ZCCHC8: variants seen among roughly 807,000 people sequenced by gnomAD.
The protein encoded by ZCCHC8 is zinc finger CCHC domain-containing protein 8.
In ZCCHC8, 27 loss-of-function variants were observed where a neutral mutation model predicts 70.6. The observed-to-expected ratio is 0.38, with a 90% CI of 0.28 to 0.53. The LOEUF is 0.53. ZCCHC8 is among the 20% of genes least tolerant of loss of function. The probability of loss-of-function intolerance (pLI) is 0.81; values close to 1 mark genes in which losing one functional copy is unlikely to be tolerated. For synonymous variants in ZCCHC8, 293 were observed against 317.4 expected (o/e 0.92, Z 0.82); for missense variants, 737 against 876.9 (o/e 0.84, Z 2.01).
At chr12:122,491,529 C>CAA (rs555175551) in intron 3 of ZCCHC8, among the ~76,000 whole-genome samples, 2,930 of 63,294 alleles carry the variant, frequency 0.046, 180 homozygotes, top group African/African-American at 0.13. Context: ...AACTCCATCT[C>CAA]AAAAAAAAAA....
In ZCCHC8 at chr12:122,477,872, C is replaced by T. The variant is rs770804616; in HGVS notation, c.1314G>A (p.Ala438=). The T allele has an allele frequency of 8.7e-6, 14 of 1,613,616 alleles. No individual in the cohort carries two copies. In the East Asian group the frequency reaches 8.9e-5, roughly 10 times the overall value. ...PKKQKNESNS[A]GSPADMELDS... ...CGAGCTCCATGTCGGCGGGAGATCC[C>T]GCTGAGTTGCTTTCATTCTTCTGCT... Residue 438 remains alanine (A), a synonymous_variant, in exon 13 of 14, where the codon GCG becomes GCA. Transcript: ENST00000633063.
chr12:122,494,976 T>C (rs1957804726), intron 2 of ZCCHC8, among the ~76,000 whole-genome samples: 1 of 152,190 alleles, frequency 6.6e-6, no homozygotes, highest in South Asian at 2.1e-4. Context: ...GTAGGAGATA[T>C]GATTAAGGAA....
At chr12:122,480,873 A>C (rs1269057241) in intron 10 of ZCCHC8, 1 of 152,192 alleles carries the variant, frequency 6.6e-6, no homozygotes, top group African/African-American at 2.4e-5. Flanking sequence ...GCCTCCAAAA[A>C]TCCTGGGATT....
At chr12:122,482,383 T>A (rs1049923152) in intron 8 of ZCCHC8, 1 of 427,726 alleles carries the variant, frequency 2.3e-6, no homozygotes, top group African/African-American at 2.0e-5. Context: ...ACTGAAAAAA[T>A]TTAATGTCTT....
In ZCCHC8 at chr12:122,483,666, A is replaced by G. The variant is rs1957580781; in HGVS notation, c.502-103T>C. ...GTTTTAACAATTTATTTTTGGATGG[A>G]ATTATTAGAAATAATAACTTCCTTG... is the stretch of plus-strand genomic sequence containing the variant. On this transcript the variant is annotated intron_variant, in intron 5 of 13. Coordinates refer to ENST00000633063, the MANE Select transcript of ZCCHC8 (RefSeq NM_017612.5). This position sits in a 1 kb window ranked among gnomAD's most constrained non-coding sequence, Gnocchi z 4.4. 1 of 940,338 alleles carries G rather than the reference A, an allele frequency of 1.1e-6. No homozygotes were observed. Among genetic ancestry groups the G allele is most frequent in the Admixed American group, 2.7e-5 (1 of 37,616 alleles). 58.2% of individuals were successfully genotyped at this position (940,338 alleles called of 1,614,324 possible). A position where few individuals can be genotyped will look rare whatever the true frequency, so the allele number is the denominator to read the frequency against.
At position 122,484,565 on chromosome 12, in the gene ZCCHC8, AT is replaced by A. The variant is rs538352720; in HGVS notation, c.502-1003del. Reference sequence around the variant, plus strand: ...GTAGTTGTGTCACTACACACAGCTAATTTTTTTTTTTGAGATGGGGTCTTGC... The same window carrying A: ...GTAGTTGTGTCACTACACACAGCTAATTTTTTTTTTGAGATGGGGTCTTGC... On this transcript the variant is annotated intron_variant, in intron 5 of 13. Coordinates refer to ENST00000633063, the MANE Select transcript of ZCCHC8 (RefSeq NM_017612.5). Among the ~76,000 whole-genome samples the A allele has an allele frequency of 8.0e-4, 113 of 141,098 alleles. No homozygotes were observed. In the East Asian group the frequency reaches 8.2e-3, roughly 10 times the overall value. The allele number at this position is 141,098 out of a possible 152,430, so 92.6% of individuals were successfully genotyped here.
At position 122,473,605 on chromosome 12, in the gene ZCCHC8, T is replaced by C; in HGVS notation, c.2016A>G (p.Pro672=). 1.2e-6 allele frequency: 2 copies of C among 1,614,006 alleles called. No individual in the cohort carries two copies. Among genetic ancestry groups the C allele is most frequent in the Non-Finnish European group, 1.7e-6 (2 of 1,179,898 alleles). ...DMSKFATGIT[P]FEFENMAEST... ...ATTCTGCCATATTCTCAAATTCAAA[T>C]GGCGTGATTCCAGTTGCAAATTTGC... The change falls in exon 14 of 14, where the codon CCA becomes CCG. Residue 672 remains proline, a synonymous_variant. Coordinates refer to ENST00000633063, the MANE Select transcript of ZCCHC8 (RefSeq NM_017612.5).
At chr12:122,477,748 C>T in intron 13 of ZCCHC8, 93 bp downstream of exon 13, 1 of 947,506 alleles carries the variant, frequency 1.1e-6, no homozygotes. Flanking sequence ...CGAGATCACG[C>T]CATTGTACTC....
In ZCCHC8 at chr12:122,474,099, C is replaced by T; in HGVS notation, c.1522G>A (p.Gly508Arg). The T allele has an allele frequency of 2.0e-6, 3 of 1,515,942 alleles. No individual in the cohort carries two copies. Among genetic ancestry groups the T allele is most frequent in the Non-Finnish European group, 2.6e-6 (3 of 1,134,704 alleles). 93.9% of individuals were successfully genotyped at this position (1,515,942 alleles called of 1,614,324 possible). Residue 508 changes from glycine to arginine, a missense_variant, in exon 14 of 14, where the codon GGA becomes AGA. Physicochemically the swap from Gly to Arg is moderately radical, Grantham distance 125 (BLOSUM62 -2). Transcript: ENST00000633063. Reference protein sequence around the residue: ...SDSPQTRTASGAVDEDALTLE... With the variant: ...SDSPQTRTASRAVDEDALTLE... ...GTCAGTGCGTCCTCATCCACAGCTC[C>T]AGATGCTGTTCTGGTCTGGGGTGAG...
chr12:122,495,427 G>C (rs1957811123), intron 2 of ZCCHC8, among the ~76,000 whole-genome samples: 1 of 152,170 alleles, frequency 6.6e-6, no homozygotes, highest in African/African-American at 2.4e-5. Flanking sequence ...GAAGTCAAAG[G>C]CTGCACTGAG....
chr12:122,478,106 C>T (rs1957455602), intron 12 of ZCCHC8, 100 bp downstream of exon 12: 2 of 1,284,642 alleles, frequency 1.6e-6, no homozygotes, highest in Non-Finnish European at 1.1e-6. Flanking sequence ...TTTGGTTTGT[C>T]AAGATAACAA....
Position 122,474,032 on chromosome 12 carries a change from G to A in ZCCHC8, c.1589C>T (p.Ala530Val). 1 of 1,540,142 alleles carries A rather than the reference G, an allele frequency of 6.5e-7. No homozygotes were observed. The highest frequency in any genetic ancestry group is 1.3e-5 in the South Asian group (1 of 77,386). The change falls in exon 14 of 14, where the codon GCT (alanine) becomes GTT (valine). Residue 530 changes from alanine (A) to valine (V), a missense_variant. Ala to Val is a moderately conservative substitution (Grantham distance 64). Transcript: ENST00000633063. ...LEEQQRRIWA[A>V]LEQAESVNSD... ...GTTTACGCTCTCGGCCTGCTCAAGA[G>A]CTGCCCAGATCCGCCTCTGCTGTTC...
At position 122,492,793 on chromosome 12, in the gene ZCCHC8, A is replaced by C. The variant is rs765906803; in HGVS notation, c.243-4T>G. 1.3e-6 allele frequency: 2 copies of C among 1,518,274 alleles called. No homozygotes were observed. Among genetic ancestry groups the C allele is most frequent in the Non-Finnish European group, 1.8e-6 (2 of 1,115,660 alleles). 94.1% of individuals were successfully genotyped at this position (1,518,274 alleles called of 1,614,324 possible). A position where few individuals can be genotyped will look rare whatever the true frequency, so the allele number is the denominator to read the frequency against. ...AGTATCGTTCACCAATATTCCACTA[A>C]AACAGAAGTTAGAACATATTCTTAG... On this transcript the variant is annotated splice_region_variant and splice_polypyrimidine_tract_variant and intron_variant, in intron 2 of 13. Coordinates refer to ENST00000633063, the MANE Select transcript of ZCCHC8 (RefSeq NM_017612.5).
chr12:122,485,303 G>C (rs142068280), intron 5 of ZCCHC8, among the ~76,000 whole-genome samples: 1,662 of 152,184 alleles, frequency 0.011, 31 homozygotes, highest in African/African-American at 0.038. Context: ...TAGTAGAGAC[G>C]GGGTTTCTTC....
intron 3 of ZCCHC8, among the ~76,000 whole-genome samples, chr12:122,491,313 G>A (rs941393293): frequency 2.0e-5 from 3 of 152,170 alleles, no homozygotes; most frequent in Non-Finnish European, 2.9e-5. Context: ...CAGATCACTT[G>A]AGGTCAGGAG....
chr12:122,483,693 T>A lies in ZCCHC8; in HGVS notation c.502-130A>T. ...TTATTAGAAATAATAACTTCCTTGT[T>A]ATTAAGGAGCCAGACTTTGATGTGT... On this transcript the variant is annotated intron_variant, in intron 5 of 13. Transcript: ENST00000633063. The surrounding 1 kb of genome is among the most constrained non-coding windows in gnomAD (Gnocchi z 4.4). 1.3e-5 allele frequency: 10 copies of A among 779,766 alleles called. No homozygotes were observed. Among genetic ancestry groups the A allele is most frequent in the Non-Finnish European group, 1.6e-5 (8 of 495,582 alleles). The allele number at this position is 779,766 out of a possible 1,614,324, so 48.3% of individuals were successfully genotyped here.
At chr12:122,490,596 CCAGA>C (rs1434975310) in intron 3 of ZCCHC8, 29 bp from the exon 4 acceptor site, 9 of 1,428,266 alleles carry the variant, frequency 6.3e-6, no homozygotes, top group South Asian at 1.2e-5. Context: ...TGGTCAGAAC[CCAGA>C]CAGAGTAAAA....
At chr12:122,484,377 C>T (rs1007351321) in intron 5 of ZCCHC8, among the ~76,000 whole-genome samples, 3 of 151,454 alleles carry the variant, frequency 2.0e-5, no homozygotes, top group African/African-American at 4.9e-5. Flanking sequence ...GGATTACAGC[C>T]GTGAACCACT....
chr12:122,481,096 A>G (rs117983743), intron 10 of ZCCHC8: 1 of 152,954 alleles, frequency 6.5e-6, no homozygotes, highest in East Asian at 1.9e-4. Flanking sequence ...ATGATACAAA[A>G]AGATTCTTGT....
Sources: allele counts gnomAD v4.1 joint callset (sites outside exome capture counted in the v4.1 genomes callset), GRCh38; gene constraint gnomAD v4.1.1; non-coding constraint Gnocchi (gnomAD v3.1); transcripts MANE v1.5; gene names NCBI Gene and HGNC (gene_info 2026-07-23, HGNC 2026-07-21).